Variants in FAM174A observed in about 807,000 individuals in gnomAD.
FAM174A encodes the protein family with sequence similarity 174 member A, also known as membrane protein FAM174A.
In FAM174A, 14 loss-of-function variants were observed where a neutral mutation model predicts 14.3. That is an observed-to-expected ratio of 0.98 (90% CI 0.65 to 1.53). The LOEUF is 1.53. Ranked by LOEUF, FAM174A falls within the 40% of genes most tolerant of loss-of-function variation. FAM174A has a pLI of 0.00. For missense variants in FAM174A, 241 were observed against 249.6 expected, an observed-to-expected ratio of 0.97 and a Z score of 0.23; for synonymous variants, 108 against 111.4, an observed-to-expected ratio of 0.97 and a Z score of 0.19.
chr5:100,566,987 C>T (rs941650873), intron 2 of FAM174A, among the ~76,000 whole-genome samples: 2 of 151,772 alleles, frequency 1.3e-5, no homozygotes, highest in Admixed American at 6.6e-5. Context: ...GGATGACTTG[C>T]ATTACAGTTA....
rs141246333 is a variant in FAM174A, at chr5:100,556,702, C to G, written c.435-5352C>G. Reference sequence around the variant, plus strand: ...CCTAGGTATTTTATTCTCTTTGAAGCAATTGTGAATGGAAGTTCACTCATG... The same window carrying G: ...CCTAGGTATTTTATTCTCTTTGAAGGAATTGTGAATGGAAGTTCACTCATG... On this transcript the variant is annotated intron_variant, in intron 1 of 2. Coordinates refer to ENST00000312637, the MANE Select transcript of FAM174A (RefSeq NM_198507.3). Among the ~76,000 whole-genome samples, 977 of 152,246 alleles carry G rather than the reference C, an allele frequency of 6.4e-3. 15 individuals carry two copies. Among genetic ancestry groups the G allele is most frequent in the African/African-American group, 0.023 (940 of 41,552 alleles).
chr5:100,536,009 G>T (rs774173259), intron 1 of FAM174A, 45 bp downstream of exon 1: 4 of 1,486,882 alleles, frequency 2.7e-6, no homozygotes, highest in Non-Finnish European at 2.7e-6. Flanking sequence ...CCTGAGATAC[G>T]CAGGCCGGTG....
At chr5:100,571,166 G>A (rs888757607) in intron 2 of FAM174A, among the ~76,000 whole-genome samples, 3 of 124,142 alleles carry the variant, frequency 2.4e-5, no homozygotes, top group Admixed American at 8.4e-5. Flanking sequence ...ATATATATGT[G>A]TGTGTGTGTG....
At chr5:100,538,966 G>A (rs542633701) in intron 1 of FAM174A, among the ~76,000 whole-genome samples, 44 of 152,172 alleles carry the variant, frequency 2.9e-4, no homozygotes, top group African/African-American at 1.0e-3. Flanking sequence ...AATGATTCTT[G>A]CCTTAAAAGC....
At chr5:100,568,198 A>G (rs74463241) in intron 2 of FAM174A, among the ~76,000 whole-genome samples, 9,863 of 151,860 alleles carry the variant, frequency 0.065, 411 homozygotes, top group African/African-American at 0.11. Flanking sequence ...TACTTATTTT[A>G]GTGCACATGT....
At chr5:100,556,391 C>G (rs552120504) in intron 1 of FAM174A, among the ~76,000 whole-genome samples, 30 of 152,000 alleles carry the variant, frequency 2.0e-4, no homozygotes, top group Admixed American at 8.5e-4. Context: ...CTCCAGCTTT[C>G]TTCTTTTGGC....
intron 2 of FAM174A, among the ~76,000 whole-genome samples, chr5:100,576,065 G>A (rs911986783): frequency 6.6e-6 from 1 of 152,110 alleles, no homozygotes; most frequent in Non-Finnish European, 1.5e-5. Context: ...TATGAAACTA[G>A]CTTTTTGTAG....
Position 100,560,280 on chromosome 5 carries a change from G to A in FAM174A, c.435-1774G>A, listed in dbSNP as rs572383338. On this transcript the variant is annotated intron_variant, in intron 1 of 2. Coordinates refer to ENST00000312637, the MANE Select transcript of FAM174A (RefSeq NM_198507.3). Reference sequence around the variant, plus strand: ...GACCTCTGGTCTACATGGTGTGTGTGGGTGTGTTTGCACACATACACACAC... The same window carrying A: ...GACCTCTGGTCTACATGGTGTGTGTAGGTGTGTTTGCACACATACACACAC... Among the ~76,000 whole-genome samples, 3 of 152,194 alleles carry A rather than the reference G, an allele frequency of 2.0e-5. No homozygotes were observed. The East Asian group carries it at 5.8e-4, about 29-fold the overall frequency.
chr5:100,556,845 G>C (rs529605054), intron 1 of FAM174A, among the ~76,000 whole-genome samples: 1 of 152,280 alleles, frequency 6.6e-6, no homozygotes, highest in African/African-American at 2.4e-5. Context: ...ACTTTGGGCT[G>C]AGACGATGGG....
At chr5:100,558,892 A>G (rs927311541) in intron 1 of FAM174A, among the ~76,000 whole-genome samples, 4 of 151,952 alleles carry the variant, frequency 2.6e-5, no homozygotes, top group Non-Finnish European at 4.4e-5. Flanking sequence ...TCTTTATCCA[A>G]TTTGCCAGTC....
At chr5:100,581,480 T>C in intron 2 of FAM174A, 1 of 691,648 alleles carries the variant, frequency 1.4e-6, no homozygotes, top group South Asian at 6.4e-5. Flanking sequence ...AGGCCCAGCA[T>C]GGTGGCTCAT....
intron 2 of FAM174A, among the ~76,000 whole-genome samples, chr5:100,568,865 T>C (rs1746719718): frequency 6.6e-6 from 1 of 151,934 alleles, no homozygotes. Context: ...AGTGTGCTCA[T>C]AGTAGTCATT....
At chr5:100,583,371 TG>T (rs1747058454) in intron 2 of FAM174A, among the ~76,000 whole-genome samples, 1 of 152,232 alleles carries the variant, frequency 6.6e-6, no homozygotes, top group African/African-American at 2.4e-5. Flanking sequence ...TTCCACAGCT[TG>T]CTTTAGTTTT....
intron 2 of FAM174A, chr5:100,581,539 G>GC (rs1747017175): frequency 5.1e-6 from 1 of 195,144 alleles, no homozygotes; most frequent in African/African-American, 2.4e-5. Context: ...GATCACTTGA[G>GC]GTCTGGAATT....
At chr5:100,538,142 A>T (rs1288251333) in intron 1 of FAM174A, among the ~76,000 whole-genome samples, 2 of 152,168 alleles carry the variant, frequency 1.3e-5, no homozygotes, top group Non-Finnish European at 2.9e-5. Context: ...AGCTTGAATG[A>T]TGCTAACAAT....
At chr5:100,556,148 G>A (rs557801704) in intron 1 of FAM174A, among the ~76,000 whole-genome samples, 1 of 152,240 alleles carries the variant, frequency 6.6e-6, no homozygotes, top group African/African-American at 2.4e-5. Flanking sequence ...TCCAGTTTCA[G>A]CTCTCTACAT....
intron 1 of FAM174A, among the ~76,000 whole-genome samples, chr5:100,550,758 A>G (rs777698108): frequency 2.0e-5 from 3 of 152,232 alleles, no homozygotes; most frequent in Non-Finnish European, 2.9e-5. Context: ...TGAGGAAGTT[A>G]TATTTAAGCT....
chr5:100,566,193 A>G (rs1746649001), intron 2 of FAM174A, among the ~76,000 whole-genome samples: 2 of 133,402 alleles, frequency 1.5e-5, no homozygotes, highest in South Asian at 2.4e-4. Flanking sequence ...ATATATAATT[A>G]CATGTATGAT....
chr5:100,554,894 A>G (rs1442069847), intron 1 of FAM174A, among the ~76,000 whole-genome samples: 1 of 152,008 alleles, frequency 6.6e-6, no homozygotes, highest in African/African-American at 2.4e-5. Flanking sequence ...AATACTATCT[A>G]ATTTTTTTTT....
Sources: allele counts gnomAD v4.1 joint callset (sites outside exome capture counted in the v4.1 genomes callset), GRCh38; gene constraint gnomAD v4.1.1; transcripts MANE v1.5; gene names NCBI Gene and HGNC (gene_info 2026-07-23, HGNC 2026-07-21).